The following PGF variants were observed in gnomAD, a reference collection of about 807,000 sequenced individuals.
The protein encoded by PGF is placenta growth factor.
Under a neutral mutation model 25.3 loss-of-function variants are expected in PGF, and 11 were observed. That is an observed-to-expected ratio of 0.43 (90% confidence interval 0.27 to 0.72). PGF has a LOEUF of 0.72. Among genes scored for constraint, PGF ranks in the 30% least tolerant of loss-of-function variants. The pLI is 0.18. For synonymous variants in PGF, 105 were observed against 97.9 expected (o/e 1.07, Z -0.43); for missense variants, 230 against 234.9 (o/e 0.98, Z 0.14).
At chr14:74,946,612 C>G (rs1401874388) in intron 4 of PGF, 1 of 632,154 alleles carries the variant, frequency 1.6e-6, no homozygotes, top group African/African-American at 1.8e-5. Context: ...TCTGGTGACC[C>G]CACCACGAGA....
intron 5 of PGF, 26 bp downstream of exon 5, chr14:74,946,353 C>T (rs200338191): frequency 2.5e-6 from 4 of 1,613,640 alleles, no homozygotes; most frequent in Non-Finnish European, 3.4e-6. Flanking sequence ...CCGAGAATAG[C>T]CCCGAGCCCC....
Position 74,952,739 on chromosome 14 carries a change from C to T in PGF, c.118+1165G>A, listed in dbSNP as rs180809901. 7.9e-4 allele frequency among the ~76,000 whole-genome samples: 120 copies of T among 152,338 alleles called. 1 individual carries two copies. Among genetic ancestry groups the T allele is most frequent in the African/African-American group, 2.7e-3 (112 of 41,592 alleles). On this transcript the variant is annotated intron_variant, in intron 2 of 6. Transcript: ENST00000555567. Reference sequence around the variant, plus strand: ...GAGCTGACCTAATGAATCTACACTTCCAGGCCTCCCCACCTCAAATCCTGG... The same window carrying T: ...GAGCTGACCTAATGAATCTACACTTTCAGGCCTCCCCACCTCAAATCCTGG...
intron 6 of PGF, among the ~76,000 whole-genome samples, chr14:74,942,968 A>G (rs1483395894): frequency 1.3e-5 from 2 of 152,180 alleles, no homozygotes; most frequent in African/African-American, 4.8e-5. Flanking sequence ...TTAACCCTCA[A>G]CAACCTTCCA....
At chr14:74,943,205 T>C (rs1202470658) in intron 6 of PGF, among the ~76,000 whole-genome samples, 1 of 152,182 alleles carries the variant, frequency 6.6e-6, no homozygotes, top group Non-Finnish European at 1.5e-5. Context: ...AAGAAATCCA[T>C]TTTCAGCCTC....
Position 74,946,260 on chromosome 14 carries a change from G to A in PGF, c.438C>T (p.Gly146=). Residue 146 remains glycine (G), a synonymous_variant, in exon 6 of 7, where the codon GGC becomes GGT. Transcript: ENST00000555567. The part of the protein sequence containing the change: ...KMKPERRRPK[G]RGKRRREKQR... ...GCTTCTCTCTCCTCCTCTTCCCCCTGCCCTTGGGTCTCCTCCTGCAATAAG... is the reference window on the plus strand; with the variant it reads ...GCTTCTCTCTCCTCCTCTTCCCCCTACCCTTGGGTCTCCTCCTGCAATAAG... The A allele has an allele frequency of 6.2e-7, 1 of 1,614,176 alleles. No homozygotes were observed. Among genetic ancestry groups the A allele is most frequent in the Non-Finnish European group, 8.5e-7 (1 of 1,180,008 alleles).
rs557762030 is a variant in PGF, at chr14:74,947,388, G to A, written c.393-980C>T. On this transcript the variant is annotated intron_variant, in intron 4 of 6. Transcript: ENST00000555567. ...AGGGTCTCCAACACTCCAACAAAAG[G>A]GGCAGCCATAGCCCTGCCCAGGAGG... 36 of 154,574 alleles carry A rather than the reference G, an allele frequency of 2.3e-4. No individual in the cohort carries two copies. The South Asian group carries it at 2.5e-3, about 11-fold the overall frequency. The allele number at this position is 154,574 out of a possible 1,614,324, so 9.6% of individuals were successfully genotyped here.
intron 2 of PGF, among the ~76,000 whole-genome samples, chr14:74,951,722 T>C (rs1888876663): frequency 6.6e-6 from 1 of 152,168 alleles, no homozygotes; most frequent in Admixed American, 6.5e-5. Context: ...TCCGGGTCCC[T>C]GAAACCCTGG....
At chr14:74,944,410 C>T (rs1888679710) in intron 6 of PGF, among the ~76,000 whole-genome samples, 1 of 151,818 alleles carries the variant, frequency 6.6e-6, no homozygotes, top group Non-Finnish European at 1.5e-5. Context: ...CCTGCTTGTT[C>T]ATTTTCTTAA....
At chr14:74,943,887 A>T (rs1888656744) in intron 6 of PGF, among the ~76,000 whole-genome samples, 1 of 152,224 alleles carries the variant, frequency 6.6e-6, no homozygotes, top group Non-Finnish European at 1.5e-5. Context: ...CAGGAAATTT[A>T]AAATAATTCA....
Position 74,946,276 on chromosome 14 carries a change from C to CA in PGF, c.423-2_423-1insT. 1 of 1,614,242 alleles carries CA rather than the reference C, an allele frequency of 6.2e-7. No homozygotes were observed. Among genetic ancestry groups the CA allele is most frequent in the Non-Finnish European group, 8.5e-7 (1 of 1,180,034 alleles). ...CTTCCCCCTGCCCTTGGGTCTCCTC[C>CA]TGCAATAAGCCAAGCGTCAGGACAA... is the stretch of plus-strand genomic sequence containing the variant. On this transcript the variant is annotated splice_acceptor_variant, in intron 5 of 6. Coordinates refer to ENST00000555567, the MANE Select transcript of PGF (RefSeq NM_002632.6). LOFTEE classifies it high-confidence loss of function.
At chr14:74,946,138 A>T in intron 6 of PGF, 75 bp downstream of exon 6, 2 of 1,421,064 alleles carry the variant, frequency 1.4e-6, no homozygotes, top group Non-Finnish European at 2.0e-6. Context: ...CCCCTCCCCA[A>T]CCTAACCCTG....
At chr14:74,947,831 G>A (rs1019517711) in intron 4 of PGF, 1 of 152,332 alleles carries the variant, frequency 6.6e-6, no homozygotes, top group Admixed American at 6.5e-5. Context: ...CCATGGCCCA[G>A]TAGTACCAGG....
Position 74,949,414 on chromosome 14 carries a change from G to A in PGF, c.258C>T (p.Cys86=). 1 of 1,607,800 alleles carries A rather than the reference G, an allele frequency of 6.2e-7. No individual in the cohort carries two copies. Among genetic ancestry groups the A allele is most frequent in the African/African-American group, 1.3e-5 (1 of 74,732 alleles). The change falls in exon 3 of 7, where the codon TGC becomes TGT. Residue 86 remains cysteine, a synonymous_variant. Coordinates refer to ENST00000555567, the MANE Select transcript of PGF (RefSeq NM_002632.6). ...CACAGTGCAGATTCTCATCGCCGCA[G>A]CAGCCGGTGCAGCGCAGCAGGGAGA... ...SCVSLLRCTG[C]CGDENLHCVP... is the part of the protein sequence containing the mutation.
rs1888907634 is a variant in PGF, at chr14:74,953,061, T to C, written c.118+843A>G. On this transcript the variant is annotated intron_variant, in intron 2 of 6. Transcript: ENST00000555567. This position sits in a 1 kb window ranked among gnomAD's most constrained non-coding sequence, Gnocchi z 5.4. ...TGAGGTCAAGGGCAGCTACCTCCTCTACCTGCTCAGGGGTCTAGGGGCCTA... is the reference window on the plus strand; with the variant it reads ...TGAGGTCAAGGGCAGCTACCTCCTCCACCTGCTCAGGGGTCTAGGGGCCTA... 6.6e-6 allele frequency among the ~76,000 whole-genome samples: 1 copy of C among 152,222 alleles called. No homozygotes were observed. The highest frequency in any genetic ancestry group is 1.5e-5 in the Non-Finnish European group (1 of 68,028).
At position 74,953,737 on chromosome 14, in the gene PGF, T is replaced by G. The variant is rs541482542; in HGVS notation, c.118+167A>C. Reference sequence around the variant, plus strand: ...CACCTCTCTAGTCTCTGGGTCACCATGAGGGGATCTCTTAGGCCCTGCCAA... The same window carrying G: ...CACCTCTCTAGTCTCTGGGTCACCAGGAGGGGATCTCTTAGGCCCTGCCAA... On this transcript the variant is annotated intron_variant, in intron 2 of 6. Transcript: ENST00000555567. This position sits in a 1 kb window ranked among gnomAD's most constrained non-coding sequence, Gnocchi z 5.4. 7.7e-4 allele frequency among the ~76,000 whole-genome samples: 118 copies of G among 152,312 alleles called. No individual in the cohort carries two copies. Among genetic ancestry groups the G allele is most frequent in the Non-Finnish European group, 1.1e-3 (75 of 68,006 alleles).
chr14:74,954,092 G>A, intron 1 of PGF, 146 bp from the exon 2 acceptor site: 1 of 725,080 alleles, frequency 1.4e-6, no homozygotes, highest in East Asian at 2.7e-5. Context: ...AGCAGCCTGA[G>A]TACCACTAAA....
chr14:74,949,343 G>A lies in PGF; in HGVS notation c.315+14C>T. ...GGCAGATTCGGTGGCCCCCTGGGCA[G>A]GGTATGGACCTACCTGCATGGTGAC... On this transcript the variant is annotated intron_variant, in intron 3 of 6. Transcript: ENST00000555567. The A allele has an allele frequency of 1.3e-6, 2 of 1,514,550 alleles. No individual in the cohort carries two copies. The highest frequency in any genetic ancestry group is 1.8e-6 in the Non-Finnish European group (2 of 1,126,296). 93.8% of individuals were successfully genotyped at this position (1,514,550 alleles called of 1,614,324 possible). A position where few individuals can be genotyped will look rare whatever the true frequency, so the allele number is the denominator to read the frequency against.
In PGF at chr14:74,946,278, G is replaced by T; in HGVS notation, c.423-3C>A. ...TCCCCCTGCCCTTGGGTCTCCTCCT[G>T]CAATAAGCCAAGCGTCAGGACAAGG... On this transcript the variant is annotated splice_polypyrimidine_tract_variant and splice_region_variant and intron_variant, in intron 5 of 6. Transcript: ENST00000555567. 6.2e-7 allele frequency: 1 copy of T among 1,614,192 alleles called. No homozygotes were observed. Among genetic ancestry groups the T allele is most frequent in the Non-Finnish European group, 8.5e-7 (1 of 1,180,014 alleles).
chr14:74,948,636 G>C (rs61759380), intron 3 of PGF, 53 bp from the exon 4 acceptor site: 4 of 1,174,326 alleles, frequency 3.4e-6, no homozygotes, highest in African/African-American at 1.5e-5. Flanking sequence ...ACGAGTTTCC[G>C]GCACTCTTCT....
Sources: allele counts gnomAD v4.1 joint callset (sites outside exome capture counted in the v4.1 genomes callset), GRCh38; gene constraint gnomAD v4.1.1; non-coding constraint Gnocchi (gnomAD v3.1); transcripts MANE v1.5; gene names NCBI Gene and HGNC (gene_info 2026-07-23, HGNC 2026-07-21).